The following PTPN2 variants were observed in gnomAD, a reference collection of about 807,000 sequenced individuals.
PTPN2 encodes the protein protein tyrosine phosphatase non-receptor type 2.
A neutral mutation model predicts 57.3 loss-of-function variants in PTPN2; 19 were observed. That is an observed-to-expected ratio of 0.33 (90% confidence interval 0.23 to 0.49). The LOEUF (loss-of-function observed/expected upper bound fraction) is 0.49, where lower values mean the gene tolerates loss of function less well. PTPN2 is among the 20% of genes least tolerant of loss of function. The pLI is 0.99. For missense variants in PTPN2, 358 were observed against 501.1 expected, an observed-to-expected ratio of 0.71 and a Z score of 2.73; for synonymous variants, 153 against 164.9, an observed-to-expected ratio of 0.93 and a Z score of 0.55.
At chr18:12,815,193 T>C (rs1022801157) in intron 6 of PTPN2, among the ~76,000 whole-genome samples, 8 of 151,510 alleles carry the variant, frequency 5.3e-5, no homozygotes, top group Admixed American at 3.9e-4. Context: ...GTGGGCAGAT[T>C]ATGAGGTCAA....
chr18:12,852,553 T>C (rs1403111216), intron 2 of PTPN2, among the ~76,000 whole-genome samples: 2 of 152,192 alleles, frequency 1.3e-5, no homozygotes, highest in Non-Finnish European at 2.9e-5. Context: ...AGGTCTCACA[T>C]TGCTCAGGCT....
intron 7 of PTPN2, 34 bp downstream of exon 7, chr18:12,814,169 A>C: frequency 6.9e-7 from 1 of 1,450,682 alleles, no homozygotes; most frequent in Non-Finnish European, 9.5e-7. Flanking sequence ...GTATTTAACA[A>C]ATAGATATGA....
intron 1 of PTPN2, among the ~76,000 whole-genome samples, chr18:12,874,744 C>T (rs1308725052): frequency 4.6e-5 from 7 of 151,902 alleles, no homozygotes; most frequent in East Asian, 3.9e-4. Context: ...CGCCTCTGCC[C>T]GGCCGCCCCT....
rs2041060523 is a variant in PTPN2, at chr18:12,793,778, T to C, written c.*500A>G. On this transcript the variant is annotated 3_prime_UTR_variant, in exon 9 of 9. Transcript: ENST00000309660. ...CTACAAAAGATTAAATAGATACTTA[T>C]AAAATATATTTACCCTGAAATGCTT... The C allele has an allele frequency of 1.1e-6, 1 of 937,864 alleles. No homozygotes were observed. The highest frequency in any genetic ancestry group is 1.8e-5 in the African/African-American group (1 of 56,200). The allele number at this position is 937,864 out of a possible 1,614,324, so 58.1% of individuals were successfully genotyped here.
intron 2 of PTPN2, among the ~76,000 whole-genome samples, chr18:12,843,732 C>A (rs761739278): frequency 1.3e-5 from 2 of 152,194 alleles, no homozygotes; most frequent in African/African-American, 2.4e-5. Flanking sequence ...CCTAGCAATG[C>A]GCTGTCCAGG....
intron 2 of PTPN2, among the ~76,000 whole-genome samples, chr18:12,848,689 T>G (rs1201672646): frequency 6.6e-6 from 1 of 152,196 alleles, no homozygotes; most frequent in Non-Finnish European, 1.5e-5. Flanking sequence ...CAGCCCCCAT[T>G]TGAAATGCAA....
In PTPN2 at chr18:12,794,226, A is replaced by G; in HGVS notation, c.*52T>C. The G allele has an allele frequency of 6.2e-7, 1 of 1,610,660 alleles. No individual in the cohort carries two copies. The highest frequency in any genetic ancestry group is 1.1e-5 in the South Asian group (1 of 90,678). ...TGCTGCAGACAAACCCCTATGATTA[A>G]TGTAGCACTGTCAGTTACTAGTGCA... is the stretch of plus-strand genomic sequence containing the variant. On this transcript the variant is annotated 3_prime_UTR_variant, in exon 9 of 9. Coordinates refer to ENST00000309660, the MANE Select transcript of PTPN2 (RefSeq NM_002828.4).
intron 2 of PTPN2, among the ~76,000 whole-genome samples, chr18:12,843,506 G>A (rs1350138824): frequency 6.6e-6 from 1 of 152,100 alleles, no homozygotes; most frequent in Non-Finnish European, 1.5e-5. Context: ...CCCACTGCAC[G>A]CTTCCACAGC....
At chr18:12,859,885 G>A (rs79974811) in intron 1 of PTPN2, among the ~76,000 whole-genome samples, 15,754 of 152,270 alleles carry the variant, frequency 0.1, 1,014 homozygotes, top group Non-Finnish European at 0.15. Flanking sequence ...TGGCGCAGTG[G>A]CTAACGCCTG....
At chr18:12,848,461 A>G (rs531247286) in intron 2 of PTPN2, among the ~76,000 whole-genome samples, 2 of 152,356 alleles carry the variant, frequency 1.3e-5, no homozygotes, top group Admixed American at 6.5e-5. Flanking sequence ...CTCAAACGGA[A>G]TGTTGTGGAA....
At chr18:12,842,598 G>A (rs1470594880) in intron 2 of PTPN2, among the ~76,000 whole-genome samples, 2 of 152,118 alleles carry the variant, frequency 1.3e-5, no homozygotes, top group East Asian at 1.9e-4. Flanking sequence ...AGAGAACGGC[G>A]AATGACTTAA....
At chr18:12,807,586 A>AAAAAAAAAAAATATAT in intron 7 of PTPN2, among the ~76,000 whole-genome samples, 1 of 35,198 alleles carries the variant, frequency 2.8e-5, no homozygotes, top group Non-Finnish European at 6.1e-5. Context: ...AAAAAAAAAA[A>AAAAAAAAAAAATATAT]ATATATATAT....
At chr18:12,811,590 C>T (rs1171130474) in intron 7 of PTPN2, among the ~76,000 whole-genome samples, 1 of 152,050 alleles carries the variant, frequency 6.6e-6, no homozygotes, top group Non-Finnish European at 1.5e-5. Context: ...TGGCTATGTT[C>T]GACAGACTCA....
chr18:12,878,857 G>A lies in PTPN2; in HGVS notation c.69+5216C>T, dbSNP rs77852086. On this transcript the variant is annotated intron_variant, in intron 1 of 8. Coordinates refer to ENST00000309660, the MANE Select transcript of PTPN2 (RefSeq NM_002828.4). ...AACAGAGTGAGAACTCTTTAAAAAA[G>A]AAAGGAATTTAAAAATAAATAAGCC... 8.9e-3 allele frequency among the ~76,000 whole-genome samples: 1,350 copies of A among 152,184 alleles called. 27 individuals are homozygous for A. Among genetic ancestry groups the A allele is most frequent in the African/African-American group, 0.031 (1,300 of 41,516 alleles).
intron 2 of PTPN2, among the ~76,000 whole-genome samples, chr18:12,839,015 TA>T (rs2042960471): frequency 6.6e-6 from 1 of 151,772 alleles, no homozygotes; most frequent in Non-Finnish European, 1.5e-5. Context: ...TAATATAAAA[TA>T]AAAAGTATAT....
Position 12,870,395 on chromosome 18 carries a change from ATATATACACG to A in PTPN2, c.70-11151_70-11142del, listed in dbSNP as rs1568169234. Among the ~76,000 whole-genome samples the A allele has an allele frequency of 5.7e-4, 47 of 81,990 alleles. 8 individuals carry two copies. Among genetic ancestry groups the A allele is most frequent in the African/African-American group, 3.5e-3 (43 of 12,208 alleles). 53.8% of individuals were successfully genotyped at this position (81,990 alleles called of 152,430 possible). On this transcript the variant is annotated intron_variant, in intron 1 of 8. Coordinates refer to ENST00000309660, the MANE Select transcript of PTPN2 (RefSeq NM_002828.4). ...TATACATATATATACGTATATATGT[ATATATACACG>A]TATATATATGTATATATATACGTAT...
chr18:12,875,817 A>AT (rs1400534769), intron 1 of PTPN2, among the ~76,000 whole-genome samples: 2 of 152,228 alleles, frequency 1.3e-5, no homozygotes, highest in Non-Finnish European at 2.9e-5. Flanking sequence ...GACAAAGACA[A>AT]GGTAGCTAAA....
intron 4 of PTPN2, among the ~76,000 whole-genome samples, chr18:12,827,338 G>A (rs1456676154): frequency 2.6e-4 from 32 of 122,464 alleles, no homozygotes; most frequent in Non-Finnish European, 4.6e-4. Context: ...GCGAGACTCC[G>A]TCTCAAAAAA....
At chr18:12,816,589 G>A (rs1280523018) in intron 6 of PTPN2, among the ~76,000 whole-genome samples, 2 of 152,182 alleles carry the variant, frequency 1.3e-5, no homozygotes, top group African/African-American at 4.8e-5. Flanking sequence ...AAAAGATCTA[G>A]GCTGTATACA....
Sources: allele counts gnomAD v4.1 joint callset (sites outside exome capture counted in the v4.1 genomes callset), GRCh38; gene constraint gnomAD v4.1.1; transcripts MANE v1.5; gene names NCBI Gene and HGNC (gene_info 2026-07-23, HGNC 2026-07-21).